The following CDH12 variants were observed in gnomAD, a reference collection of about 807,000 sequenced individuals.
The protein encoded by CDH12 is cadherin-12.
Under a neutral mutation model 74.1 loss-of-function variants are expected in CDH12, and 41 were observed. The observed-to-expected ratio is 0.55, with a 90% CI of 0.43 to 0.72. CDH12 has a LOEUF of 0.72. Ranked by LOEUF, CDH12 falls within the 30% of genes least tolerant of loss-of-function variation. CDH12 has a pLI of 0.00. For missense variants in CDH12, 945 were observed against 977.2 expected (o/e 0.97, Z 0.44); for synonymous variants, 399 against 355.0 (o/e 1.12, Z -1.39).
chr5:21,985,635 C>A (rs573249953), intron 5 of CDH12, among the ~76,000 whole-genome samples: 1 of 152,080 alleles, frequency 6.6e-6, no homozygotes, highest in Non-Finnish European at 1.5e-5. Flanking sequence ...GAAAATTTTG[C>A]GTGAGTTTCT....
Position 22,068,962 on chromosome 5 carries a change from T to A in CDH12, c.231+9484A>T, listed in dbSNP as rs534385849. Among the ~76,000 whole-genome samples, 91 of 152,250 alleles carry A rather than the reference T, an allele frequency of 6.0e-4. 2 individuals are homozygous for A. In the South Asian group the frequency reaches 0.014, roughly 23 times the overall value. ...CAGTAAATCCCCAATATGGCACCATTCCCCAAGGAAATTAACCAGCAACCT... is the reference window on the plus strand; with the variant it reads ...CAGTAAATCCCCAATATGGCACCATACCCCAAGGAAATTAACCAGCAACCT... On this transcript the variant is annotated intron_variant, in intron 5 of 14. Transcript: ENST00000382254.
chr5:22,471,129 A>G (rs1745942625), intron 2 of CDH12, among the ~76,000 whole-genome samples: 1 of 152,074 alleles, frequency 6.6e-6, no homozygotes, highest in South Asian at 2.1e-4. Context: ...ACTTACTCCT[A>G]GTTCCCTAGA....
chr5:22,140,532 G>T (rs1746729585), intron 4 of CDH12, among the ~76,000 whole-genome samples: 1 of 152,160 alleles, frequency 6.6e-6, no homozygotes, highest in South Asian at 2.1e-4. Flanking sequence ...GTGTGTGTGT[G>T]TGTGTATTTG....
rs544880024 is a variant in CDH12 at position 22,447,242 on chromosome 5, G to T, written c.-427-41891C>A. 2.6e-5 allele frequency among the ~76,000 whole-genome samples: 4 copies of T among 151,950 alleles called. 1 individual carries two copies. The South Asian group carries it at 8.3e-4, about 32-fold the overall frequency. ...ACTTCATTGTATTCAATTTGCACCAGATATCTTTTATTACATTATTCTTCT... is the reference window on the plus strand; with the variant it reads ...ACTTCATTGTATTCAATTTGCACCATATATCTTTTATTACATTATTCTTCT... On this transcript the variant is annotated intron_variant, in intron 2 of 14. Coordinates refer to ENST00000382254, the MANE Select transcript of CDH12 (RefSeq NM_004061.5).
intron 4 of CDH12, among the ~76,000 whole-genome samples, chr5:22,109,306 C>A (rs1478812387): frequency 6.6e-6 from 1 of 152,100 alleles, no homozygotes; most frequent in Non-Finnish European, 1.5e-5. Flanking sequence ...GATAACATCC[C>A]CCTCCAGAGC....
At chr5:22,485,771 A>G (rs1746566828) in intron 2 of CDH12, among the ~76,000 whole-genome samples, 1 of 152,220 alleles carries the variant, frequency 6.6e-6, no homozygotes, top group South Asian at 2.1e-4. Flanking sequence ...ATAGAGGAAA[A>G]CACCTTAGCT....
chr5:21,799,207 A>G (rs1349114493), intron 10 of CDH12, among the ~76,000 whole-genome samples: 1 of 152,208 alleles, frequency 6.6e-6, no homozygotes, highest in East Asian at 1.9e-4. Context: ...GATGGTGTTC[A>G]TGGTCTAGTA....
chr5:22,111,548 C>A (rs1744818397), intron 4 of CDH12, among the ~76,000 whole-genome samples: 1 of 152,154 alleles, frequency 6.6e-6, no homozygotes, highest in Non-Finnish European at 1.5e-5. Flanking sequence ...TCATATTCTG[C>A]CCACTTGAAT....
chr5:22,520,472 C>A (rs986312091), intron 1 of CDH12, among the ~76,000 whole-genome samples: 1 of 152,024 alleles, frequency 6.6e-6, no homozygotes, highest in Non-Finnish European at 1.5e-5. Flanking sequence ...CTAAAGAACA[C>A]TTATGGAGGT....
At chr5:21,969,758 A>G (rs1427472303) in intron 6 of CDH12, among the ~76,000 whole-genome samples, 1 of 152,194 alleles carries the variant, frequency 6.6e-6, no homozygotes, top group East Asian at 1.9e-4. Flanking sequence ...GCCATAATAG[A>G]TAAGTTATAT....
intron 2 of CDH12, among the ~76,000 whole-genome samples, chr5:22,420,584 T>C (rs1257411807): frequency 6.6e-6 from 1 of 152,220 alleles, no homozygotes; most frequent in African/African-American, 2.4e-5. Flanking sequence ...TGCCTTATAG[T>C]ATAGTTTGAA....
intron 2 of CDH12, among the ~76,000 whole-genome samples, chr5:22,447,016 A>G (rs894729536): frequency 6.6e-6 from 1 of 152,072 alleles, no homozygotes; most frequent in Non-Finnish European, 1.5e-5. Context: ...TAAATACTGG[A>G]TATTCCTTCC....
intron 1 of CDH12, among the ~76,000 whole-genome samples, chr5:22,560,769 T>C (rs1241286155): frequency 1.3e-5 from 2 of 152,178 alleles, no homozygotes; most frequent in Admixed American, 6.5e-5. Flanking sequence ...TATATTAATG[T>C]GCCTTAACAA....
rs1258757618 is a variant in CDH12, at chr5:21,751,612, GTGTGTGTGTGTGTGTGTGTT to G, written c.*105_*124del. ...AATCAAAGGAATCTTGTCCCAGAGT[GTGTGTGTGTGTGTGTGTGTT>G]TGTGTGTGTGTGTGTGTGTGAGAGA... On this transcript the variant is annotated 3_prime_UTR_variant, in exon 15 of 15. Coordinates refer to ENST00000382254, the MANE Select transcript of CDH12 (RefSeq NM_004061.5). 9 of 419,934 alleles carry G rather than the reference GTGTGTGTGTGTGTGTGTGTT, an allele frequency of 2.1e-5. No homozygotes were observed. In the East Asian group the frequency reaches 4.6e-4, roughly 22 times the overall value. The allele number at this position is 419,934 out of a possible 1,614,324, so 26.0% of individuals were successfully genotyped here.
intron 1 of CDH12, among the ~76,000 whole-genome samples, chr5:22,796,246 T>G (rs912108447): frequency 1.7e-4 from 26 of 152,170 alleles, no homozygotes; most frequent in Admixed American, 2.6e-4. Context: ...GTTCTATTTT[T>G]AATTTTTTGA....
intron 2 of CDH12, among the ~76,000 whole-genome samples, chr5:22,460,713 A>ATTTTTTTTTTTTTTTTTT (rs3039460): frequency 2.0e-4 from 17 of 85,610 alleles, no homozygotes; most frequent in African/African-American, 8.6e-4. Flanking sequence ...ATATCTAGCA[A>ATTTTTTTTTTTTTTTTTT]TTTTTTTTTT....
intron 9 of CDH12, among the ~76,000 whole-genome samples, chr5:21,815,025 G>C (rs1057424602): frequency 4.6e-5 from 7 of 152,038 alleles, no homozygotes; most frequent in African/African-American, 1.4e-4. Flanking sequence ...ATTTAATAGA[G>C]TGGGATCATG....
Position 22,788,664 on chromosome 5 carries a change from A to G in CDH12, c.-523+64394T>C, listed in dbSNP as rs562143246. ...ATATAATGTTCATGTGTAAATTTAT[A>G]ATATAAAATATGATATAACATTTAA... On this transcript the variant is annotated intron_variant, in intron 1 of 14. Coordinates refer to ENST00000382254, the MANE Select transcript of CDH12 (RefSeq NM_004061.5). Among the ~76,000 whole-genome samples the G allele has an allele frequency of 6.0e-5, 8 of 133,722 alleles. No individual in the cohort carries two copies. In the South Asian group the frequency reaches 2.1e-3, roughly 35 times the overall value. 87.7% of individuals were successfully genotyped at this position (133,722 alleles called of 152,430 possible).
chr5:21,891,841 T>G (rs7380740), intron 6 of CDH12, among the ~76,000 whole-genome samples: 99,085 of 151,788 alleles, frequency 0.65, 36,072 homozygotes, highest in Non-Finnish European at 0.8. Context: ...TGTGGCTAGA[T>G]CAAATCAAAA....
Sources: gnomAD v4.1 joint callset for allele counts (sites outside exome capture counted in the v4.1 genomes callset) on GRCh38, gnomAD v4.1.1 for gene constraint, MANE v1.5 for transcripts, NCBI Gene and HGNC (gene_info 2026-07-23, HGNC 2026-07-21) for gene names.